The following ZNRF2 variants were observed in gnomAD, a reference collection of about 807,000 sequenced individuals.
ZNRF2 encodes E3 ubiquitin-protein ligase ZNRF2.
ZNRF2 carries 16 observed loss-of-function variants against 20.4 expected under a neutral mutation model. That is an observed-to-expected ratio of 0.79 (90% CI 0.53 to 1.19). The LOEUF is 1.19. ZNRF2 is among the 50% of genes most tolerant of loss of function. The pLI, the probability that ZNRF2 is intolerant of heterozygous loss-of-function variation, is 0.00. For synonymous variants in ZNRF2, 178 were observed against 144.9 expected (o/e 1.23, Z -1.64); for missense variants, 363 against 332.4 (o/e 1.09, Z -0.72).
chr7:30,289,796 A>G (rs1445507122), intron 1 of ZNRF2: 1 of 534,384 alleles, frequency 1.9e-6, no homozygotes, highest in Non-Finnish European at 3.8e-6. Flanking sequence ...TGGTATTTTG[A>G]TGCTTTGCTG....
intron 2 of ZNRF2, among the ~76,000 whole-genome samples, chr7:30,333,422 T>C (rs1026474051): frequency 6.7e-6 from 1 of 149,922 alleles, no homozygotes; most frequent in African/African-American, 2.5e-5. Context: ...CAGGCTGGAG[T>C]GCAGTGGCGC....
At chr7:30,329,971 A>G (rs1799611952) in intron 2 of ZNRF2, among the ~76,000 whole-genome samples, 1 of 152,128 alleles carries the variant, frequency 6.6e-6, no homozygotes, top group African/African-American at 2.4e-5. Flanking sequence ...AGCATCTGTT[A>G]TTGCCTGTCT....
chr7:30,312,024 G>A (rs1460482932), intron 1 of ZNRF2, among the ~76,000 whole-genome samples: 2 of 152,076 alleles, frequency 1.3e-5, no homozygotes, highest in Admixed American at 1.3e-4. Flanking sequence ...TTGCTAAAAG[G>A]TCATTTAAAA....
At chr7:30,321,920 G>A (rs1444109176) in intron 1 of ZNRF2, among the ~76,000 whole-genome samples, 3 of 151,288 alleles carry the variant, frequency 2.0e-5, no homozygotes, top group Non-Finnish European at 4.4e-5. Flanking sequence ...GGCTTCCTTG[G>A]GCCACATTTT....
At chr7:30,301,809 A>G (rs1006123192) in intron 1 of ZNRF2, among the ~76,000 whole-genome samples, 2 of 152,144 alleles carry the variant, frequency 1.3e-5, no homozygotes, top group African/African-American at 2.4e-5. Flanking sequence ...AATGTATAAT[A>G]TAAGAACAGA....
chr7:30,331,654 G>T (rs1420291817), intron 2 of ZNRF2, among the ~76,000 whole-genome samples: 2 of 152,168 alleles, frequency 1.3e-5, no homozygotes, highest in Non-Finnish European at 2.9e-5. Context: ...GGAAATGCTG[G>T]AGAACCTTAT....
intron 2 of ZNRF2, among the ~76,000 whole-genome samples, chr7:30,337,870 A>G (rs1326731085): frequency 6.6e-6 from 1 of 152,052 alleles, no homozygotes; most frequent in Non-Finnish European, 1.5e-5. Flanking sequence ...TCTCCCTCTC[A>G]CCTGAATCAC....
At chr7:30,323,558 C>A in intron 1 of ZNRF2, 84 bp from the exon 2 acceptor site, 2 of 909,762 alleles carry the variant, frequency 2.2e-6, no homozygotes, top group Non-Finnish European at 3.3e-6. Flanking sequence ...AAGTTTCAAA[C>A]GCTTTTTGAT....
At chr7:30,301,700 TAA>T (rs61418583) in intron 1 of ZNRF2, among the ~76,000 whole-genome samples, 10,574 of 115,654 alleles carry the variant, frequency 0.091, 1,302 homozygotes, top group African/African-American at 0.3. Flanking sequence ...AGGCTTTTTT[TAA>T]AAAAAAAAAA....
chr7:30,348,100 A>G (rs1469270630), intron 2 of ZNRF2, among the ~76,000 whole-genome samples: 1 of 151,018 alleles, frequency 6.6e-6, no homozygotes, highest in Non-Finnish European at 1.5e-5. Flanking sequence ...TGGCACATTT[A>G]TATATTCAGT....
chr7:30,326,378 A>T (rs1481447672), intron 2 of ZNRF2, among the ~76,000 whole-genome samples: 5 of 152,194 alleles, frequency 3.3e-5, no homozygotes, highest in Non-Finnish European at 5.9e-5. Context: ...ACAAGTGAGA[A>T]CGTGCGGAAT....
At chr7:30,289,884 A>G (rs780067589) in intron 1 of ZNRF2, 4 of 534,436 alleles carry the variant, frequency 7.5e-6, no homozygotes, top group Non-Finnish European at 1.5e-5. Context: ...ATCTCCAACA[A>G]GTCTCTTGCT....
intron 2 of ZNRF2, among the ~76,000 whole-genome samples, chr7:30,336,188 A>C (rs1799714021): frequency 6.6e-6 from 1 of 152,184 alleles, no homozygotes; most frequent in Non-Finnish European, 1.5e-5. Context: ...ATGGCTTGTG[A>C]ATATTTTTCC....
chr7:30,338,344 A>G (rs1799747567), intron 2 of ZNRF2, among the ~76,000 whole-genome samples: 1 of 151,368 alleles, frequency 6.6e-6, no homozygotes, highest in Non-Finnish European at 1.5e-5. Context: ...ACATAGGTAT[A>G]CATGTGCCAT....
At chr7:30,290,420 A>G (rs1798879940) in intron 1 of ZNRF2, among the ~76,000 whole-genome samples, 1 of 152,106 alleles carries the variant, frequency 6.6e-6, no homozygotes, top group African/African-American at 2.4e-5. Context: ...AGTGTAGGTC[A>G]GGGCAGGGTT....
intron 2 of ZNRF2, among the ~76,000 whole-genome samples, chr7:30,351,661 C>T (rs188806402): frequency 1.7e-4 from 26 of 152,086 alleles, no homozygotes; most frequent in African/African-American, 5.8e-4. Flanking sequence ...AAATTTGAAT[C>T]CTGACCTCAG....
intron 1 of ZNRF2, among the ~76,000 whole-genome samples, chr7:30,313,045 G>T (rs73685998): frequency 0.018 from 2,771 of 152,252 alleles, 90 homozygotes; most frequent in African/African-American, 0.063. Context: ...TTGATAAGTA[G>T]AAGCCATGTG....
intron 2 of ZNRF2, among the ~76,000 whole-genome samples, chr7:30,349,346 A>C (rs899659409): frequency 3.3e-5 from 5 of 152,202 alleles, no homozygotes; most frequent in East Asian, 1.9e-4. Context: ...CCTAAGAGAC[A>C]GGTCAAGCAG....
In ZNRF2 at chr7:30,355,812, G is replaced by C; in HGVS notation, c.650G>C (p.Cys217Ser). ...QQGDTIARLP[C>S]LCIYHKGCID... is the part of the protein sequence containing the mutation. ...GGAGATACTATAGCACGACTGCCTT[G>C]TCTATGCATATATCATAAAGGGTAA... Residue 217 changes from cysteine to serine, a missense_variant, in exon 3 of 5, where the codon TGT becomes TCT. Cys to Ser is a moderately radical substitution (Grantham distance 112, BLOSUM62 -1). Around this residue, in one of 2 missense-constraint regions of ZNRF2, gnomAD observed 61 missense variants for 100.9 expected, o/e 0.60. Transcript: ENST00000323037. 1 of 1,612,982 alleles carries C rather than the reference G, an allele frequency of 6.2e-7. No individual in the cohort carries two copies.
Sources: gnomAD v4.1 joint callset for allele counts (sites outside exome capture counted in the v4.1 genomes callset) on GRCh38, gnomAD v4.1.1 for gene constraint, gnomAD v4.1.1 regional missense constraint, MANE v1.5 for transcripts, NCBI Gene and HGNC (gene_info 2026-07-23, HGNC 2026-07-21) for gene names.